ARHGAP30: variants seen among roughly 807,000 people sequenced by gnomAD.
ARHGAP30 encodes rho GTPase-activating protein 30.
ARHGAP30 carries 23 observed loss-of-function variants against 72.0 expected under a neutral mutation model. The observed-to-expected ratio is 0.32, with a 90% CI of 0.23 to 0.45. The LOEUF (loss-of-function observed/expected upper bound fraction) is 0.45, where lower values mean the gene tolerates loss of function less well. Ranked by LOEUF, ARHGAP30 falls within the 20% of genes least tolerant of loss-of-function variation. The pLI is 1.00. For synonymous variants in ARHGAP30, 576 were observed against 528.2 expected, an observed-to-expected ratio of 1.09 and a Z score of -1.24; for missense variants, 1,319 against 1,383.4, an observed-to-expected ratio of 0.95 and a Z score of 0.74.
intron 1 of ARHGAP30, chr1:161,060,151 C>T (rs766993519): frequency 7.2e-6 from 3 of 419,304 alleles, no homozygotes; most frequent in South Asian, 3.3e-5. Flanking sequence ...TGTGGTGGTA[C>T]ATGCCTGTAG....
rs1290517988 is a variant in ARHGAP30 at position 161,056,447 on chromosome 1, C to A, written c.286G>T (p.Ala96Ser). ...GGATCCGGCAGTTCTCTGAAATAGG[C>A]CTTGCACAGGGAGGAGACGCAGTGA... Reference protein sequence around the residue: ...DIHCVSSLCKAYFRELPDPLL... With the variant: ...DIHCVSSLCKSYFRELPDPLL... Residue 96 changes from alanine (A) to serine (S), a missense_variant, in exon 3 of 12, where the codon GCC (alanine) becomes TCC (serine). Transcript: ENST00000368013. 1 of 1,613,916 alleles carries A rather than the reference C, an allele frequency of 6.2e-7. No homozygotes were observed. The highest frequency in any genetic ancestry group is 1.1e-5 in the South Asian group (1 of 91,022).
At chr1:161,062,162 G>A (rs1195693571) in intron 1 of ARHGAP30, among the ~76,000 whole-genome samples, 1 of 151,888 alleles carries the variant, frequency 6.6e-6, no homozygotes, top group Admixed American at 6.6e-5. Context: ...TCTTTCCAAA[G>A]CACTTCCCTA....
intron 5 of ARHGAP30, 27 bp from the exon 6 acceptor site, chr1:161,053,412 C>A: frequency 1.2e-6 from 2 of 1,604,402 alleles, no homozygotes; most frequent in Non-Finnish European, 1.7e-6. Context: ...TTATTCTCCC[C>A]CTCAGCCCCA....
In ARHGAP30 at chr1:161,049,696, G is replaced by A; in HGVS notation, c.1421-7C>T. Reference sequence around the variant, plus strand: ...CTTGCTTCCAACTTTTCATCTGTTGGGGGAGAAGTAGTCCCAGGAATACAA... The same window carrying A: ...CTTGCTTCCAACTTTTCATCTGTTGAGGGAGAAGTAGTCCCAGGAATACAA... On this transcript the variant is annotated splice_polypyrimidine_tract_variant and splice_region_variant and intron_variant, in intron 10 of 11. Transcript: ENST00000368013. 2 of 1,611,324 alleles carry A rather than the reference G, an allele frequency of 1.2e-6. No homozygotes were observed. The highest frequency in any genetic ancestry group is 1.3e-5 in the African/African-American group (1 of 74,982).
Position 161,052,660 on chromosome 1 carries a change from G to C in ARHGAP30, c.802C>G (p.Pro268Ala). 1 of 1,613,906 alleles carries C rather than the reference G, an allele frequency of 6.2e-7. No individual in the cohort carries two copies. Among genetic ancestry groups the C allele is most frequent in the Middle Eastern group, 1.7e-4 (1 of 6,010 alleles). ...GCAATCTCGATGATAGTATGGTAGG[G>C]CCGCATCTGTGGGGGTCCATCGCCA... Reference protein sequence around the residue: ...QAGDGPPQMRPYHTIIEIAEH... With the variant: ...QAGDGPPQMRAYHTIIEIAEH... The change falls in exon 7 of 12, where the codon CCC becomes GCC. Residue 268 changes from proline (P) to alanine (A), a missense_variant. Around this residue, in one of 2 missense-constraint regions of ARHGAP30, gnomAD observed 1,097 missense variants for 1,045.2 expected, o/e 1.05. Coordinates refer to ENST00000368013, the MANE Select transcript of ARHGAP30 (RefSeq NM_001025598.2).
chr1:161,049,397 C>T (rs1262103263), intron 11 of ARHGAP30, 27 bp downstream of exon 11: 4 of 1,598,866 alleles, frequency 2.5e-6, no homozygotes, highest in East Asian at 4.5e-5. Flanking sequence ...TCCATGCCAC[C>T]CCCAAACCCA....
At position 161,069,575 on chromosome 1, in the gene ARHGAP30, AC is replaced by A. The variant is rs767278719; in HGVS notation, c.49del (p.Val17PhefsTer21). ...GKKKGSAKER[V>X]FGCDLQEHLQ... ...GTGCTCCTGCAAGTCGCACCCAAAA[AC>A]CCGCTCCTTTGCGCTGCCCTTCTTC... On this transcript the variant is annotated frameshift_variant, in exon 1 of 12. Coordinates refer to ENST00000368013, the MANE Select transcript of ARHGAP30 (RefSeq NM_001025598.2). LOFTEE classifies it high-confidence loss of function. The surrounding 1 kb of genome is among the most constrained non-coding windows in gnomAD (Gnocchi z 4.9). 1 of 1,611,446 alleles carries A rather than the reference AC, an allele frequency of 6.2e-7. No individual in the cohort carries two copies. The highest frequency in any genetic ancestry group is 2.2e-5 in the East Asian group (1 of 44,870).
At chr1:161,052,081 C>T (rs948833340) in intron 9 of ARHGAP30, among the ~76,000 whole-genome samples, 1 of 144,554 alleles carries the variant, frequency 6.9e-6, no homozygotes, top group Non-Finnish European at 1.5e-5. Flanking sequence ...TGTCCCATCC[C>T]ATACGAACAC....
At chr1:161,068,946 A>G (rs772831693) in intron 1 of ARHGAP30, among the ~76,000 whole-genome samples, 4 of 152,150 alleles carry the variant, frequency 2.6e-5, no homozygotes, top group Middle Eastern at 3.4e-3. Flanking sequence ...CACAGGGACA[A>G]CAAGAGAATC....
intron 1 of ARHGAP30, among the ~76,000 whole-genome samples, chr1:161,068,813 C>A (rs142497895): frequency 8.5e-4 from 129 of 152,254 alleles, no homozygotes; most frequent in African/African-American, 3.0e-3. Context: ...GACAGCTCCA[C>A]ACCCACCCTC....
At chr1:161,055,676 C>T (rs1464852191) in intron 3 of ARHGAP30, among the ~76,000 whole-genome samples, 5 of 151,136 alleles carry the variant, frequency 3.3e-5, no homozygotes, top group African/African-American at 4.9e-5. Flanking sequence ...TCCAGCTACT[C>T]GGGAGGCTGA....
chr1:161,058,342 C>T (rs1227075833), intron 2 of ARHGAP30, among the ~76,000 whole-genome samples: 1 of 148,284 alleles, frequency 6.7e-6, no homozygotes, highest in Admixed American at 6.7e-5. Flanking sequence ...AATAAATACA[C>T]AGGCCAGGGC....
Position 161,069,471 on chromosome 1 carries a change from C to A in ARHGAP30, c.97+57G>T. On this transcript the variant is annotated intron_variant, in intron 1 of 11. Coordinates refer to ENST00000368013, the MANE Select transcript of ARHGAP30 (RefSeq NM_001025598.2). This position sits in a 1 kb window ranked among gnomAD's most constrained non-coding sequence, Gnocchi z 4.9. ...CTTCTGCCCTTCAGGCTGGATCGGG[C>A]TGCAGATGCCCAGTGCCTCCCCACC... is the stretch of plus-strand genomic sequence containing the variant. 6.4e-7 allele frequency: 1 copy of A among 1,553,114 alleles called. No homozygotes were observed. The highest frequency in any genetic ancestry group is 8.8e-7 in the Non-Finnish European group (1 of 1,136,042).
At position 161,047,974 on chromosome 1, in the gene ARHGAP30, C is replaced by T. The variant is rs775692057; in HGVS notation, c.3047G>A (p.Arg1016Gln). The T allele has an allele frequency of 1.4e-5, 23 of 1,613,954 alleles. No individual in the cohort carries two copies. The highest frequency in any genetic ancestry group is 1.7e-5 in the Non-Finnish European group (20 of 1,180,002). ...DRQRTEAQGV[R>Q]RTQTCTEGGD... The stretch of plus-strand genomic sequence containing the variant: ...ACCCTCAGTACAGGTCTGGGTTCGC[C>T]GAACTCCTTGAGCCTCAGTCCTTTG... The change falls in exon 12 of 12, where the codon CGG becomes CAG. Residue 1016 changes from arginine to glutamine, a missense_variant. Physicochemically the swap from Arg to Gln is conservative, Grantham distance 43. This residue lies in a region of ARHGAP30 where 1,097 missense variants were observed against 1,045.2 expected (regional missense o/e 1.05). Coordinates refer to ENST00000368013, the MANE Select transcript of ARHGAP30 (RefSeq NM_001025598.2).
In ARHGAP30 at chr1:161,049,211, T is replaced by G. The variant is rs776016828; in HGVS notation, c.1810A>C (p.Asn604His). The G allele has an allele frequency of 7.4e-6, 12 of 1,613,858 alleles. No individual in the cohort carries two copies. Among genetic ancestry groups the G allele is most frequent in the Non-Finnish European group, 1.0e-5 (12 of 1,179,990 alleles). The change falls in exon 12 of 12, where the codon AAT becomes CAT. Residue 604 changes from asparagine to histidine, a missense_variant. Physicochemically the swap from Asn to His is moderately conservative, Grantham distance 68. This residue lies in a region of ARHGAP30 where 1,097 missense variants were observed against 1,045.2 expected (regional missense o/e 1.05). Transcript: ENST00000368013. ...AGPRPEVEEE[N>H]GEEVFLSAYD... ...GCACTCAGGAAAACTTCCTCCCCAT[T>G]TTCCTCCTCAACTTCAGGCCTGGGG... is the stretch of plus-strand genomic sequence containing the variant.
intron 3 of ARHGAP30, 52 bp downstream of exon 3, chr1:161,056,336 C>A: frequency 6.3e-7 from 1 of 1,588,960 alleles, no homozygotes; most frequent in Admixed American, 1.7e-5. Flanking sequence ...ATGTCAAAAC[C>A]AGGCTGTCCA....
At chr1:161,061,413 A>G (rs1431628754) in intron 1 of ARHGAP30, among the ~76,000 whole-genome samples, 1 of 152,126 alleles carries the variant, frequency 6.6e-6, no homozygotes, top group Non-Finnish European at 1.5e-5. Context: ...TGAGCCTCCC[A>G]AAGTGCTGGG....
chr1:161,064,837 GAAAGAAAGAA>G (rs1652631883), intron 1 of ARHGAP30, among the ~76,000 whole-genome samples: 2 of 99,458 alleles, frequency 2.0e-5, no homozygotes, highest in African/African-American at 9.6e-5. Context: ...GAAAGAGAAA[GAAAGAAAGAA>G]AGGAAAGGAA....
At chr1:161,055,925 TA>T (rs1295239362) in intron 3 of ARHGAP30, among the ~76,000 whole-genome samples, 20 of 24,880 alleles carry the variant, frequency 8.0e-4, no homozygotes, top group South Asian at 3.1e-3. Context: ...TAAAATAAAA[TA>T]AAATAAAATA....
Sources: gnomAD v4.1 joint callset for allele counts (sites outside exome capture counted in the v4.1 genomes callset) on GRCh38, gnomAD v4.1.1 for gene constraint, gnomAD v4.1.1 regional missense constraint, Gnocchi (gnomAD v3.1) non-coding constraint, MANE v1.5 for transcripts, NCBI Gene and HGNC (gene_info 2026-07-23, HGNC 2026-07-21) for gene names.